ARHGEF15: variants seen among roughly 807,000 people sequenced by gnomAD.
ARHGEF15 encodes the protein Rho guanine nucleotide exchange factor 15, also known as Rho guanine nucleotide exchange factor (GEF) 15.
In ARHGEF15, 58 loss-of-function variants were observed where a neutral mutation model predicts 79.7. The observed-to-expected ratio is 0.73, with a 90% CI of 0.59 to 0.91. The LOEUF is 0.91. Among genes scored for constraint, ARHGEF15 ranks in the 40% least tolerant of loss-of-function variants. The pLI, the probability that ARHGEF15 is intolerant of heterozygous loss-of-function variation, is 0.00. For missense variants in ARHGEF15, 1,012 were observed against 1,108.1 expected (o/e 0.91, Z 1.23); for synonymous variants, 442 against 456.0 (o/e 0.97, Z 0.39).
At position 8,318,572 on chromosome 17, in the gene ARHGEF15, C is replaced by T. The variant is rs1905173260; in HGVS notation, c.1782C>T (p.Ile594=). 6.2e-7 allele frequency: 1 copy of T among 1,613,364 alleles called. No homozygotes were observed. The highest frequency in any genetic ancestry group is 8.5e-7 in the Non-Finnish European group (1 of 1,179,430). The stretch of plus-strand genomic sequence containing the variant: ...GTGACACAGCTCCCCTTACCTAGAT[C>T]ATCGAGCGTTGCAGCGCTGAGGTGG... ...AQKALGAVSK[I]IERCSAEVGR... Residue 594 remains isoleucine, a splice_region_variant and synonymous_variant, in exon 11 of 16, where the codon ATC becomes ATT. Coordinates refer to ENST00000361926, the MANE Select transcript of ARHGEF15 (RefSeq NM_173728.4). This position sits in a 1 kb window ranked among gnomAD's most constrained non-coding sequence, Gnocchi z 5.0.
Position 8,312,335 on chromosome 17 carries a change from C to A in ARHGEF15, c.296C>A (p.Thr99Lys). The change falls in exon 2 of 16, where the codon ACA (threonine) becomes AAA (lysine). Residue 99 changes from threonine to lysine, a missense_variant. This residue lies in a region of ARHGEF15 where 818 missense variants were observed against 882.5 expected (regional missense o/e 0.93). Coordinates refer to ENST00000361926, the MANE Select transcript of ARHGEF15 (RefSeq NM_173728.4). ...CCAGACTCACCTTCCAGCACCCCCA[C>A]ACCTAGTCCAGTGTCCCGGCGCTCC... Reference protein sequence around the residue: ...TSPDSPSSTPTPSPVSRRSAS... With the variant: ...TSPDSPSSTPKPSPVSRRSAS... 6.3e-7 allele frequency: 1 copy of A among 1,588,370 alleles called. No homozygotes were observed. Among genetic ancestry groups the A allele is most frequent in the Non-Finnish European group, 8.6e-7 (1 of 1,167,708 alleles).
Position 8,313,362 on chromosome 17 carries a change from G to C in ARHGEF15, c.934+108G>C, listed in dbSNP as rs1274062683. On this transcript the variant is annotated intron_variant, in intron 3 of 15. Coordinates refer to ENST00000361926, the MANE Select transcript of ARHGEF15 (RefSeq NM_173728.4). ...ATCCCCAACAGGCACTGGGCTCTTT[G>C]CTTCCCCACCAGCTGCTGCTCTGGT... The C allele has an allele frequency of 8.0e-6, 12 of 1,495,682 alleles. No homozygotes were observed. The Admixed American group carries it at 2.1e-4, about 26-fold the overall frequency. The allele number at this position is 1,495,682 out of a possible 1,614,324, so 92.7% of individuals were successfully genotyped here.
intron 4 of ARHGEF15, among the ~76,000 whole-genome samples, chr17:8,314,270 A>C (rs902033613): frequency 2.0e-5 from 3 of 152,158 alleles, no homozygotes; most frequent in African/African-American, 7.2e-5. Context: ...AGGATTGTTA[A>C]TTATCTTAGA....
At chr17:8,310,866 G>A (rs181840580) in intron 1 of ARHGEF15, 1 of 152,182 alleles carries the variant, frequency 6.6e-6, no homozygotes. Context: ...ATTCAAGGGT[G>A]AGTGCTTGGG....
rs1905378694 is a variant in ARHGEF15 at position 8,321,363 on chromosome 17, T to C, written c.*370T>C. On this transcript the variant is annotated 3_prime_UTR_variant, in exon 16 of 16. Coordinates refer to ENST00000361926, the MANE Select transcript of ARHGEF15 (RefSeq NM_173728.4). ...TTGGAGATAAAGTCGTAGGATAAAA[T>C]TGGGAACAGGAATGAGCAGGAAGCC... The C allele has an allele frequency of 5.8e-6, 1 of 173,110 alleles. No homozygotes were observed. The highest frequency in any genetic ancestry group is 1.5e-4 in the East Asian group (1 of 6,562). 10.7% of individuals were successfully genotyped at this position (173,110 alleles called of 1,614,324 possible).
At position 8,318,222 on chromosome 17, in the gene ARHGEF15, C is replaced by T; in HGVS notation, c.1705-165C>T. On this transcript the variant is annotated intron_variant, in intron 9 of 15. Coordinates refer to ENST00000361926, the MANE Select transcript of ARHGEF15 (RefSeq NM_173728.4). This position sits in a 1 kb window ranked among gnomAD's most constrained non-coding sequence, Gnocchi z 5.0. The stretch of plus-strand genomic sequence containing the variant: ...TTTTACAGATAGGGAAGCTGAGGCT[C>T]AGAGAGGTAACAGGACTTGCTCAGG... The T allele has an allele frequency of 1.5e-6, 1 of 673,696 alleles. No homozygotes were observed. The highest frequency in any genetic ancestry group is 2.6e-6 in the Non-Finnish European group (1 of 379,994). 41.7% of individuals were successfully genotyped at this position (673,696 alleles called of 1,614,324 possible).
chr17:8,314,543 A>G (rs1287506407), intron 4 of ARHGEF15, among the ~76,000 whole-genome samples: 1 of 151,996 alleles, frequency 6.6e-6, no homozygotes, highest in African/African-American at 2.4e-5. Context: ...CTGGTCTGCA[A>G]TAGTTGACAT....
chr17:8,320,021 C>T (rs188081898), intron 15 of ARHGEF15, among the ~76,000 whole-genome samples: 5 of 151,532 alleles, frequency 3.3e-5, no homozygotes, highest in African/African-American at 1.2e-4. Flanking sequence ...CTCAAGTGAT[C>T]CTCCTGCCTC....
At position 8,313,396 on chromosome 17, in the gene ARHGEF15, G is replaced by A. The variant is rs1904800288; in HGVS notation, c.935-105G>A. ...CCAGCTGCTGCTCTGGTGCTGAAGAGAGTTGCAGTTTTTATAGTAACCATC... is the reference window on the plus strand; with the variant it reads ...CCAGCTGCTGCTCTGGTGCTGAAGAAAGTTGCAGTTTTTATAGTAACCATC... On this transcript the variant is annotated intron_variant, in intron 3 of 15. Coordinates refer to ENST00000361926, the MANE Select transcript of ARHGEF15 (RefSeq NM_173728.4). The A allele has an allele frequency of 2.7e-6, 4 of 1,505,688 alleles. No individual in the cohort carries two copies. In the East Asian group the frequency reaches 9.1e-5, roughly 34 times the overall value. 93.3% of individuals were successfully genotyped at this position (1,505,688 alleles called of 1,614,324 possible). A position where few individuals can be genotyped will look rare whatever the true frequency, so the allele number is the denominator to read the frequency against.
chr17:8,315,453 C>T lies in ARHGEF15; in HGVS notation c.1300C>T (p.Arg434Cys), dbSNP rs765285474. ...GGTGACGTCCGAGGCTTCCTACCTGCGCTCCCTGCGGCTGCTGACCGACAC... is the reference window on the plus strand; with the variant it reads ...GGTGACGTCCGAGGCTTCCTACCTGTGCTCCCTGCGGCTGCTGACCGACAC... ...EVVTSEASYL[R>C]SLRLLTDTFV... Residue 434 changes from arginine (R) to cysteine (C), a missense_variant, in exon 7 of 16, where the codon CGC becomes TGC. Around this residue, in one of 3 missense-constraint regions of ARHGEF15, gnomAD observed 818 missense variants for 882.5 expected, o/e 0.93. Transcript: ENST00000361926. This position sits in a 1 kb window ranked among gnomAD's most constrained non-coding sequence, Gnocchi z 4.3. 6.2e-7 allele frequency: 1 copy of T among 1,613,926 alleles called. No individual in the cohort carries two copies. Among genetic ancestry groups the T allele is most frequent in the Non-Finnish European group, 8.5e-7 (1 of 1,180,026 alleles).
At position 8,315,177 on chromosome 17, in the gene ARHGEF15, G is replaced by C. The variant is rs1904927608; in HGVS notation, c.1160G>C (p.Arg387Pro). The change falls in exon 6 of 16, where the codon CGA (arginine) becomes CCA (proline). Residue 387 changes from arginine (R) to proline (P), a missense_variant. Arg to Pro is a moderately radical substitution (Grantham distance 103, BLOSUM62 -2). Coordinates refer to ENST00000361926, the MANE Select transcript of ARHGEF15 (RefSeq NM_173728.4). This position sits in a 1 kb window ranked among gnomAD's most constrained non-coding sequence, Gnocchi z 4.3. ...GCTGGAGATGCACCCACCTTCCCAC[G>C]ACCCCCTGGACCTCGCAACACCCTG... ...ANAGDAPTFP[R>P]PPGPRNTLWQ... 1.9e-6 allele frequency: 3 copies of C among 1,613,878 alleles called. No individual in the cohort carries two copies. In the South Asian group the frequency reaches 3.3e-5, roughly 18 times the overall value.
intron 4 of ARHGEF15, among the ~76,000 whole-genome samples, chr17:8,314,482 TC>T (rs1408944130): frequency 6.6e-6 from 1 of 151,924 alleles, no homozygotes; most frequent in Non-Finnish European, 1.5e-5. Flanking sequence ...AATAGGGCGT[TC>T]CAGACAATGG....
In ARHGEF15 at chr17:8,315,003, T is replaced by C; in HGVS notation, c.1048+39T>C. On this transcript the variant is annotated intron_variant, in intron 5 of 15. Coordinates refer to ENST00000361926, the MANE Select transcript of ARHGEF15 (RefSeq NM_173728.4). The surrounding 1 kb of genome is among the most constrained non-coding windows in gnomAD (Gnocchi z 4.3). ...GACCTGAGGGTCCCTGCTGTGACCATCAAGCAGTGGGGAAGGGTTTGGGAG... is the reference window on the plus strand; with the variant it reads ...GACCTGAGGGTCCCTGCTGTGACCACCAAGCAGTGGGGAAGGGTTTGGGAG... 6.2e-7 allele frequency: 1 copy of C among 1,613,826 alleles called. No homozygotes were observed. The highest frequency in any genetic ancestry group is 8.5e-7 in the Non-Finnish European group (1 of 1,179,850).
intron 15 of ARHGEF15, 38 bp from the exon 16 acceptor site, chr17:8,320,804 C>T (rs751068043): frequency 6.2e-7 from 1 of 1,606,828 alleles, no homozygotes; most frequent in Non-Finnish European, 8.5e-7. Flanking sequence ...CTGCTCCCTG[C>T]CCCCACCTCA....
rs1339249104 is a variant in ARHGEF15, at chr17:8,321,768, G to C, written c.*775G>C. 1 of 152,230 alleles carries C rather than the reference G, an allele frequency of 6.6e-6. No individual in the cohort carries two copies. Among genetic ancestry groups the C allele is most frequent in the Non-Finnish European group, 1.5e-5 (1 of 68,060 alleles). The allele number at this position is 152,230 out of a possible 1,614,324, so 9.4% of individuals were successfully genotyped here. A position where few individuals can be genotyped will look rare whatever the true frequency, so the allele number is the denominator to read the frequency against. On this transcript the variant is annotated 3_prime_UTR_variant, in exon 16 of 16. Coordinates refer to ENST00000361926, the MANE Select transcript of ARHGEF15 (RefSeq NM_173728.4). ...CTAAGTCTGAGCTCCAGAAGAGACT[G>C]TGCTGGGTGTGGCTTGGCACCCAGG...
Position 8,313,049 on chromosome 17 carries a change from G to A in ARHGEF15, c.729G>A (p.Pro243=), listed in dbSNP as rs773448584. The change falls in exon 3 of 16, where the codon CCG becomes CCA. Residue 243 remains proline (P), a synonymous_variant. Coordinates refer to ENST00000361926, the MANE Select transcript of ARHGEF15 (RefSeq NM_173728.4). Reference sequence around the variant, plus strand: ...CCAGGGTCCCCCGTCGGGCCTCCCCGCTGCGGACCTCTCGCTCCCGCCCCC... The same window carrying A: ...CCAGGGTCCCCCGTCGGGCCTCCCCACTGCGGACCTCTCGCTCCCGCCCCC... The part of the protein sequence containing the change: ...EVPRVPRRAS[P]LRTSRSRPHP... 1.7e-5 allele frequency: 28 copies of A among 1,613,310 alleles called. No individual in the cohort carries two copies. The highest frequency in any genetic ancestry group is 2.7e-5 in the African/African-American group (2 of 74,900).
chr17:8,318,745 C>T lies in ARHGEF15; in HGVS notation c.1873-5C>T, dbSNP rs752190951. On this transcript the variant is annotated splice_region_variant and splice_polypyrimidine_tract_variant and intron_variant, in intron 11 of 15. Coordinates refer to ENST00000361926, the MANE Select transcript of ARHGEF15 (RefSeq NM_173728.4). The surrounding 1 kb of genome is among the most constrained non-coding windows in gnomAD (Gnocchi z 5.0). ...AGAACCTCCTCTGCCTCCGCTTCCTCGCAGGCCCTGCCCCTGGTCTCCTGG... is the reference window on the plus strand; with the variant it reads ...AGAACCTCCTCTGCCTCCGCTTCCTTGCAGGCCCTGCCCCTGGTCTCCTGG... 2.9e-5 allele frequency: 47 copies of T among 1,612,166 alleles called. No homozygotes were observed. The East Asian group carries it at 7.8e-4, about 27-fold the overall frequency.
rs758168436 is a variant in ARHGEF15 at position 8,318,839 on chromosome 17, C to T, written c.1962C>T (p.Ala654=). 1 of 1,613,544 alleles carries T rather than the reference C, an allele frequency of 6.2e-7. No individual in the cohort carries two copies. The highest frequency in any genetic ancestry group is 1.7e-5 in the Admixed American group (1 of 60,010). The part of the protein sequence containing the change: ...LGCRRGGVLF[A]SRPRFTPLCL... ...GCCGGAGGGGGGGCGTGCTCTTTGC[C>T]TCGCGCCCCCGCTTCACCCCTCTTT... The change falls in exon 12 of 16, where the codon GCC becomes GCT. Residue 654 remains alanine, a synonymous_variant. Coordinates refer to ENST00000361926, the MANE Select transcript of ARHGEF15 (RefSeq NM_173728.4). This position sits in a 1 kb window ranked among gnomAD's most constrained non-coding sequence, Gnocchi z 5.0.
intron 9 of ARHGEF15, among the ~76,000 whole-genome samples, chr17:8,316,958 T>C (rs952095738): frequency 2.6e-5 from 4 of 152,088 alleles, no homozygotes; most frequent in African/African-American, 9.7e-5. Flanking sequence ...AATTTTTGTA[T>C]TATTAGTAGA....
Sources: gnomAD v4.1 joint callset for allele counts (sites outside exome capture counted in the v4.1 genomes callset) on GRCh38, gnomAD v4.1.1 for gene constraint, gnomAD v4.1.1 regional missense constraint, Gnocchi (gnomAD v3.1) non-coding constraint, MANE v1.5 for transcripts, NCBI Gene and HGNC (gene_info 2026-07-23, HGNC 2026-07-21) for gene names.